Variants in FAM3C observed in about 807,000 individuals in gnomAD.
The protein encoded by FAM3C is protein FAM3C.
Under a neutral mutation model 32.5 loss-of-function variants are expected in FAM3C, and 15 were observed. The observed-to-expected ratio is 0.46, with a 90% CI of 0.31 to 0.71. FAM3C has a LOEUF of 0.71. Ranked by LOEUF, FAM3C falls within the 30% of genes least tolerant of loss-of-function variation. FAM3C has a pLI of 0.05. For synonymous variants in FAM3C, 75 were observed against 86.1 expected (o/e 0.87, Z 0.72); for missense variants, 175 against 274.4 (o/e 0.64, Z 2.56).
chr7:121,353,244 C>A (rs1249643614), intron 8 of FAM3C, among the ~76,000 whole-genome samples: 2 of 152,158 alleles, frequency 1.3e-5, no homozygotes, highest in Non-Finnish European at 2.9e-5. Context: ...TTTGCACCAA[C>A]TAAGAAATAT....
At chr7:121,364,540 T>C (rs1343329091) in intron 5 of FAM3C, 1 of 176,678 alleles carries the variant, frequency 5.7e-6, no homozygotes, top group African/African-American at 2.4e-5. Context: ...GATAATCTCT[T>C]TTCTGCTCTC....
At chr7:121,394,137 T>G (rs757891284) in intron 1 of FAM3C, among the ~76,000 whole-genome samples, 13 of 152,236 alleles carry the variant, frequency 8.5e-5, no homozygotes, top group Non-Finnish European at 1.8e-4. Flanking sequence ...CTACAATTAC[T>G]GGTACATGGT....
intron 1 of FAM3C, among the ~76,000 whole-genome samples, chr7:121,388,672 C>T (rs1794515088): frequency 6.6e-6 from 1 of 152,096 alleles, no homozygotes; most frequent in Admixed American, 6.5e-5. Context: ...AGATTTTTGA[C>T]AGTTTTCTGA....
At chr7:121,366,386 A>C (rs144934293) in intron 5 of FAM3C, among the ~76,000 whole-genome samples, 140 of 152,274 alleles carry the variant, frequency 9.2e-4, no homozygotes, top group African/African-American at 3.1e-3. Context: ...GATACATGAT[A>C]TAACATGGAG....
chr7:121,385,745 C>A (rs1404010312), intron 1 of FAM3C, among the ~76,000 whole-genome samples: 1 of 152,112 alleles, frequency 6.6e-6, no homozygotes, highest in East Asian at 1.9e-4. Flanking sequence ...TCTATATTGA[C>A]AAAATTGTCA....
intron 2 of FAM3C, among the ~76,000 whole-genome samples, chr7:121,381,694 A>G (rs1471430574): frequency 6.6e-6 from 1 of 151,404 alleles, no homozygotes; most frequent in African/African-American, 2.4e-5. Context: ...ACACACACGC[A>G]TGCAACATAA....
intron 8 of FAM3C, among the ~76,000 whole-genome samples, chr7:121,355,828 A>G (rs1018706359): frequency 2.0e-5 from 3 of 152,212 alleles, no homozygotes; most frequent in East Asian, 1.9e-4. Context: ...ATTTTTATCA[A>G]TGACTTATAT....
At chr7:121,388,986 T>C (rs976269389) in intron 1 of FAM3C, among the ~76,000 whole-genome samples, 13 of 152,152 alleles carry the variant, frequency 8.5e-5, no homozygotes, top group Non-Finnish European at 1.5e-4. Flanking sequence ...TCGGAAAACT[T>C]CTATCTACAG....
At chr7:121,353,182 T>C (rs1793742127) in intron 8 of FAM3C, among the ~76,000 whole-genome samples, 1 of 152,234 alleles carries the variant, frequency 6.6e-6, no homozygotes, top group South Asian at 2.1e-4. Context: ...AATAGAAGGT[T>C]ATCCAAACGC....
chr7:121,366,146 CA>C (rs1262635070), intron 5 of FAM3C, among the ~76,000 whole-genome samples: 1 of 152,040 alleles, frequency 6.6e-6, no homozygotes, highest in Non-Finnish European at 1.5e-5. Context: ...GGCAGTTCCT[CA>C]AATAATTAAA....
intron 1 of FAM3C, among the ~76,000 whole-genome samples, chr7:121,387,710 T>A (rs1352789824): frequency 6.6e-6 from 1 of 152,098 alleles, no homozygotes; most frequent in Non-Finnish European, 1.5e-5. Flanking sequence ...TATATTACAC[T>A]TCAGTAACTA....
intron 7 of FAM3C, among the ~76,000 whole-genome samples, chr7:121,361,781 T>A (rs1433171895): frequency 6.6e-6 from 1 of 152,168 alleles, no homozygotes; most frequent in Non-Finnish European, 1.5e-5. Context: ...GTTCAAGGGA[T>A]TCTCCTGCTT....
At chr7:121,393,323 T>C (rs1794616972) in intron 1 of FAM3C, among the ~76,000 whole-genome samples, 1 of 152,142 alleles carries the variant, frequency 6.6e-6, no homozygotes, top group Non-Finnish European at 1.5e-5. Context: ...TCGTGTGTGG[T>C]GGCACATGCC....
At chr7:121,387,920 C>T (rs183015325) in intron 1 of FAM3C, among the ~76,000 whole-genome samples, 45 of 152,086 alleles carry the variant, frequency 3.0e-4, no homozygotes, top group Middle Eastern at 3.4e-3. Context: ...CACATGCAGA[C>T]GGCTGTCAAG....
intron 3 of FAM3C, among the ~76,000 whole-genome samples, chr7:121,375,435 G>A (rs1237272793): frequency 6.6e-6 from 1 of 152,148 alleles, no homozygotes; most frequent in East Asian, 1.9e-4. Flanking sequence ...GGGGATTTGG[G>A]TGCCACCCTA....
At chr7:121,365,044 T>TTA (rs1793998927) in intron 5 of FAM3C, among the ~76,000 whole-genome samples, 1 of 152,176 alleles carries the variant, frequency 6.6e-6, no homozygotes, top group African/African-American at 2.4e-5. Context: ...ACACTTGTCC[T>TTA]TATATAGACA....
At chr7:121,381,602 T>C (rs983399557) in intron 2 of FAM3C, among the ~76,000 whole-genome samples, 3 of 150,926 alleles carry the variant, frequency 2.0e-5, no homozygotes, top group Non-Finnish European at 2.9e-5. Context: ...ACTTTAAAAA[T>C]CATCTGGAGA....
intron 3 of FAM3C, among the ~76,000 whole-genome samples, chr7:121,374,970 C>T (rs755098485): frequency 6.6e-6 from 1 of 152,168 alleles, no homozygotes; most frequent in Non-Finnish European, 1.5e-5. Context: ...CTGTTACCTA[C>T]ATTTGTTTTC....
At chr7:121,358,913 G>A (rs955011126) in intron 8 of FAM3C, among the ~76,000 whole-genome samples, 13 of 151,460 alleles carry the variant, frequency 8.6e-5, no homozygotes, top group African/African-American at 3.2e-4. Flanking sequence ...TCCTTAAAAC[G>A]TGAAGGGGTC....
Sources: gnomAD v4.1 joint callset for allele counts (sites outside exome capture counted in the v4.1 genomes callset) on GRCh38, gnomAD v4.1.1 for gene constraint, MANE v1.5 for transcripts, NCBI Gene and HGNC (gene_info 2026-07-23, HGNC 2026-07-21) for gene names.